The following LRMDA variants were observed in gnomAD, a reference collection of about 807,000 sequenced individuals.
The protein encoded by LRMDA is leucine rich melanocyte differentiation associated.
In LRMDA, 18 loss-of-function variants were observed where a neutral mutation model predicts 29.8. The observed-to-expected ratio is 0.60, with a 90% CI of 0.42 to 0.90. The LOEUF is 0.90. Among genes scored for constraint, LRMDA ranks in the 40% least tolerant of loss-of-function variants. The pLI, the probability that LRMDA is intolerant of heterozygous loss-of-function variation, is 0.00. For missense variants in LRMDA, 273 were observed against 273.9 expected (o/e 1.00, Z 0.02); for synonymous variants, 125 against 109.4 (o/e 1.14, Z -0.89).
intron 6 of LRMDA, among the ~76,000 whole-genome samples, chr10:76,540,407 C>T (rs1377008385): frequency 6.6e-6 from 1 of 152,186 alleles, no homozygotes; most frequent in Non-Finnish European, 1.5e-5. Flanking sequence ...ACAAAGAAGC[C>T]TTTCACAAAG....
intron 2 of LRMDA, among the ~76,000 whole-genome samples, chr10:76,005,442 T>TCCCATAG (rs1454634184): frequency 1.3e-5 from 2 of 152,114 alleles, no homozygotes; most frequent in African/African-American, 2.4e-5. Flanking sequence ...CACGTCAGTT[T>TCCCATAG]CCCATAGGAA....
intron 6 of LRMDA, among the ~76,000 whole-genome samples, chr10:76,437,851 G>A (rs1371013865): frequency 6.6e-6 from 1 of 152,204 alleles, no homozygotes; most frequent in Admixed American, 6.5e-5. Flanking sequence ...CTTCCTCTGA[G>A]CCAGTCCTTC....
At chr10:76,296,321 G>A (rs10824389) in intron 5 of LRMDA, among the ~76,000 whole-genome samples, 14,216 of 152,220 alleles carry the variant, frequency 0.093, 1,150 homozygotes, top group African/African-American at 0.22. Context: ...TTTCTGGAAG[G>A]CTAAGCTGCA....
chr10:76,446,716 G>A (rs1842357187), intron 6 of LRMDA, among the ~76,000 whole-genome samples: 1 of 152,122 alleles, frequency 6.6e-6, no homozygotes, highest in Admixed American at 6.6e-5. Context: ...ACAGATCCAG[G>A]TTTTCATCTC....
chr10:75,548,689 C>G (rs1840108079), intron 2 of LRMDA, among the ~76,000 whole-genome samples: 1 of 152,070 alleles, frequency 6.6e-6, no homozygotes, highest in Admixed American at 6.6e-5. Flanking sequence ...TTTTCATATT[C>G]CTTCATGTTA....
intron 2 of LRMDA, among the ~76,000 whole-genome samples, chr10:75,986,031 T>A (rs1847257211): frequency 1.3e-5 from 2 of 152,348 alleles, no homozygotes; most frequent in Admixed American, 6.5e-5. Context: ...GCATCCCTTT[T>A]ATTGTAGGCT....
intron 5 of LRMDA, among the ~76,000 whole-genome samples, chr10:76,246,042 C>T (rs1028933064): frequency 1.1e-4 from 16 of 152,184 alleles, no homozygotes; most frequent in Non-Finnish European, 2.2e-4. Context: ...ACCATGATCC[C>T]ATGTCCATAT....
At chr10:75,698,060 G>T (rs182094262) in intron 2 of LRMDA, among the ~76,000 whole-genome samples, 50 of 152,262 alleles carry the variant, frequency 3.3e-4, no homozygotes, top group Middle Eastern at 3.4e-3. Flanking sequence ...CTAAGTTATG[G>T]AATATAATTT....
In LRMDA at chr10:75,673,458, C is replaced by G. The variant is rs1245576996; in HGVS notation, c.131+234964C>G. Among the ~76,000 whole-genome samples, 4 of 152,256 alleles carry G rather than the reference C, an allele frequency of 2.6e-5. No individual in the cohort carries two copies. The East Asian group carries it at 5.8e-4, about 22-fold the overall frequency. On this transcript the variant is annotated intron_variant, in intron 2 of 6. Transcript: ENST00000611255. Reference sequence around the variant, plus strand: ...CTTGACTGCTATATTTCCATAAACACAAAGTATGGAATGATGAAGCCCTTG... The same window carrying G: ...CTTGACTGCTATATTTCCATAAACAGAAAGTATGGAATGATGAAGCCCTTG...
At position 75,916,164 on chromosome 10, in the gene LRMDA, A is replaced by ATGTG. The variant is rs34666507; in HGVS notation, c.132-119815_132-119812dup. On this transcript the variant is annotated intron_variant, in intron 2 of 6. Transcript: ENST00000611255. ...AATGGGCATGGCCATTGCCAGGCCT[A>ATGTG]TGTGTGTGTGTGTGTGTGTGTGTGT... Among the ~76,000 whole-genome samples the ATGTG allele has an allele frequency of 4.6e-3, 576 of 124,496 alleles. 5 individuals carry two copies. The highest frequency in any genetic ancestry group is 0.015 in the African/African-American group (525 of 36,168). The allele number at this position is 124,496 out of a possible 152,430, so 81.7% of individuals were successfully genotyped here. A position where few individuals can be genotyped will look rare whatever the true frequency, so the allele number is the denominator to read the frequency against.
intron 2 of LRMDA, among the ~76,000 whole-genome samples, chr10:75,691,317 C>A (rs1766849847): frequency 2.0e-5 from 3 of 148,774 alleles, no homozygotes. Context: ...TGTGTGCATG[C>A]CACTTTTCTT....
chr10:75,798,417 T>G (rs1229133327), intron 2 of LRMDA, among the ~76,000 whole-genome samples: 3 of 152,130 alleles, frequency 2.0e-5, no homozygotes, highest in African/African-American at 7.2e-5. Flanking sequence ...CTCTCCTAAG[T>G]TTATCAATAT....
chr10:75,525,677 A>G (rs1361483590), intron 2 of LRMDA, among the ~76,000 whole-genome samples: 2 of 145,482 alleles, frequency 1.4e-5, no homozygotes, highest in Admixed American at 7.0e-5. Flanking sequence ...AATATAGTTC[A>G]TTACAAACTG....
intron 2 of LRMDA, among the ~76,000 whole-genome samples, chr10:75,720,902 G>T (rs528786937): frequency 3.3e-5 from 5 of 152,204 alleles, no homozygotes; most frequent in African/African-American, 1.2e-4. Flanking sequence ...AAGCAAGCAT[G>T]AGAACCCATG....
intron 6 of LRMDA, among the ~76,000 whole-genome samples, chr10:76,470,731 C>G (rs1442991312): frequency 6.6e-6 from 1 of 151,916 alleles, no homozygotes; most frequent in Non-Finnish European, 1.5e-5. Flanking sequence ...TAGAGGTTAA[C>G]AAGGACTGGT....
At chr10:76,483,609 T>G (rs1842753953) in intron 6 of LRMDA, among the ~76,000 whole-genome samples, 1 of 151,752 alleles carries the variant, frequency 6.6e-6, no homozygotes, top group Non-Finnish European at 1.5e-5. Flanking sequence ...CACAGTGGCC[T>G]TAGTGTGTGA....
chr10:76,363,300 G>GAAGA (rs1841351651), intron 6 of LRMDA, among the ~76,000 whole-genome samples: 1 of 147,392 alleles, frequency 6.8e-6, no homozygotes, highest in Admixed American at 6.8e-5. Context: ...AGGAAGGAAG[G>GAAGA]GAGGAAGGGA....
intron 1 of LRMDA, among the ~76,000 whole-genome samples, chr10:75,436,931 T>C (rs1844269868): frequency 6.6e-6 from 1 of 152,194 alleles, no homozygotes; most frequent in Non-Finnish European, 1.5e-5. Context: ...GGACCCCAGG[T>C]AGAAAGAGGA....
intron 2 of LRMDA, among the ~76,000 whole-genome samples, chr10:75,476,346 G>A (rs937265428): frequency 1.3e-5 from 2 of 152,106 alleles, no homozygotes; most frequent in Admixed American, 1.3e-4. Context: ...GTGAGGCAGG[G>A]GTGGATGCTG....
Sources: gnomAD v4.1 joint callset for allele counts (sites outside exome capture counted in the v4.1 genomes callset) on GRCh38, gnomAD v4.1.1 for gene constraint, MANE v1.5 for transcripts, NCBI Gene and HGNC (gene_info 2026-07-23, HGNC 2026-07-21) for gene names.